SDC1: variants seen among roughly 807,000 people sequenced by gnomAD.
The protein encoded by SDC1 is syndecan 1.
Under a neutral mutation model 29.7 loss-of-function variants are expected in SDC1, and 14 were observed. The observed-to-expected ratio is 0.47, with a 90% CI of 0.31 to 0.74. SDC1 has a LOEUF of 0.74. Ranked by LOEUF, SDC1 falls within the 30% of genes least tolerant of loss-of-function variation. The probability of loss-of-function intolerance (pLI) is 0.05; values close to 1 mark genes in which losing one functional copy is unlikely to be tolerated. For missense variants in SDC1, 406 were observed against 400.3 expected, an observed-to-expected ratio of 1.01 and a Z score of -0.12; for synonymous variants, 204 against 175.5, an observed-to-expected ratio of 1.16 and a Z score of -1.29.
chr2:20,220,369 A>ACACACACTGCACG (rs1677779558), intron 1 of SDC1, among the ~76,000 whole-genome samples: 1 of 151,974 alleles, frequency 6.6e-6, no homozygotes, highest in Non-Finnish European at 1.5e-5. Context: ...ATGCGCACAC[A>ACACACACTGCACG]CACACACACT....
Position 20,202,901 on chromosome 2 carries a change from A to G in SDC1, c.798T>C (p.Phe266=). ...VIAGGLVGLI[F]AVCLVGFMLY... ...GCATGAAACCCACCAGGCACACAGC[A>G]AAGATGAGCCCCACGAGGCCTCCGG... Residue 266 remains phenylalanine, a synonymous_variant, in exon 5 of 5, where the codon TTT becomes TTC. Coordinates refer to ENST00000254351, the MANE Select transcript of SDC1 (RefSeq NM_002997.5). 1 of 1,613,438 alleles carries G rather than the reference A, an allele frequency of 6.2e-7. No homozygotes were observed. Among genetic ancestry groups the G allele is most frequent in the African/African-American group, 1.3e-5 (1 of 75,022 alleles).
chr2:20,222,218 C>T (rs1677845227), intron 1 of SDC1, among the ~76,000 whole-genome samples: 1 of 152,182 alleles, frequency 6.6e-6, no homozygotes, highest in African/African-American at 2.4e-5. Flanking sequence ...CATTCAGTCA[C>T]TCCTTGCTTC....
At chr2:20,215,279 A>C (rs773835674) in intron 1 of SDC1, among the ~76,000 whole-genome samples, 1 of 152,174 alleles carries the variant, frequency 6.6e-6, no homozygotes, top group Non-Finnish European at 1.5e-5. Flanking sequence ...AGGGTGCCCC[A>C]ATGTCTGGCT....
In SDC1 at chr2:20,202,473, G is replaced by A. The variant is rs1454196389; in HGVS notation, c.*293C>T. On this transcript the variant is annotated 3_prime_UTR_variant, in exon 5 of 5. Transcript: ENST00000254351. Reference sequence around the variant, plus strand: ...CCCTCCAGAGCTGGACCTGGGGAGAGGCTGCTTCAGTTTGGAGAAACCGAG... The same window carrying A: ...CCCTCCAGAGCTGGACCTGGGGAGAAGCTGCTTCAGTTTGGAGAAACCGAG... 1 of 593,640 alleles carries A rather than the reference G, an allele frequency of 1.7e-6. No homozygotes were observed. The highest frequency in any genetic ancestry group is 1.9e-5 in the African/African-American group (1 of 53,418). 36.8% of individuals were successfully genotyped at this position (593,640 alleles called of 1,614,324 possible).
Position 20,202,915 on chromosome 2 carries a change from C to G in SDC1, c.784G>C (p.Val262Leu), listed in dbSNP as rs774614953. The G allele has an allele frequency of 1.9e-6, 3 of 1,612,200 alleles. No homozygotes were observed. Among genetic ancestry groups the G allele is most frequent in the Non-Finnish European group, 2.5e-6 (3 of 1,179,126 alleles). The change falls in exon 5 of 5, where the codon GTG becomes CTG. Residue 262 changes from valine (V) to leucine (L), a missense_variant. Physicochemically the swap from Val to Leu is conservative, Grantham distance 32 (BLOSUM62 1). Coordinates refer to ENST00000254351, the MANE Select transcript of SDC1 (RefSeq NM_002997.5). ...VLGGVIAGGL[V>L]GLIFAVCLVG... is the part of the protein sequence containing the mutation. ...AGGCACACAGCAAAGATGAGCCCCA[C>G]GAGGCCTCCGGCAATGACCCCTAGG... is the stretch of plus-strand genomic sequence containing the variant.
intron 1 of SDC1, chr2:20,207,784 C>T (rs1677327258): frequency 5.1e-6 from 1 of 195,352 alleles, no homozygotes; most frequent in Non-Finnish European, 9.3e-6. Context: ...CGATCTACAA[C>T]ATCTCCATGT....
intron 1 of SDC1, among the ~76,000 whole-genome samples, chr2:20,219,186 C>T (rs1238113139): frequency 6.6e-6 from 1 of 152,118 alleles, no homozygotes; most frequent in Non-Finnish European, 1.5e-5. Context: ...CCCACCCTTA[C>T]AGGCCCTGCC....
Position 20,202,246 on chromosome 2 carries a change from A to G in SDC1, c.*520T>C, listed in dbSNP as rs931345319. ...GGCTATGAACAAAGAACTAGAGGAA[A>G]CATGTGCAAAAACAAGTCGATATCT... is the stretch of plus-strand genomic sequence containing the variant. On this transcript the variant is annotated 3_prime_UTR_variant, in exon 5 of 5. Coordinates refer to ENST00000254351, the MANE Select transcript of SDC1 (RefSeq NM_002997.5). 1.3e-5 allele frequency: 10 copies of G among 778,652 alleles called. No individual in the cohort carries two copies. The African/African-American group carries it at 1.7e-4, about 13-fold the overall frequency. The allele number at this position is 778,652 out of a possible 1,614,324, so 48.2% of individuals were successfully genotyped here. A position where few individuals can be genotyped will look rare whatever the true frequency, so the allele number is the denominator to read the frequency against.
At position 20,204,170 on chromosome 2, in the gene SDC1, G is replaced by A; in HGVS notation, c.270C>T (p.Thr90=). ...PTGLEATAAS[T]STLPAGEGPK... is the part of the protein sequence containing the mutation. ...GCCCCTCTCCAGCCGGCAGGGTGGA[G>A]GTGGAGGCAGCTGTAGCCTCCAGGC... Residue 90 remains threonine, a synonymous_variant, in exon 3 of 5, where the codon ACC becomes ACT. Transcript: ENST00000254351. 1 of 1,600,714 alleles carries A rather than the reference G, an allele frequency of 6.2e-7. No homozygotes were observed. The highest frequency in any genetic ancestry group is 8.5e-7 in the Non-Finnish European group (1 of 1,179,834).
intron 1 of SDC1, chr2:20,208,180 T>G: frequency 1.1e-6 from 1 of 946,212 alleles, no homozygotes; most frequent in Non-Finnish European, 1.3e-6. Context: ...ATGTACAACC[T>G]GGGAGACACC....
At chr2:20,222,042 A>T (rs1270877199) in intron 1 of SDC1, among the ~76,000 whole-genome samples, 2 of 152,214 alleles carry the variant, frequency 1.3e-5, no homozygotes, top group Non-Finnish European at 2.9e-5. Flanking sequence ...TAACTATTCC[A>T]GAACAAGCCA....
At chr2:20,219,593 G>C (rs541648573) in intron 1 of SDC1, among the ~76,000 whole-genome samples, 109 of 152,312 alleles carry the variant, frequency 7.2e-4, no homozygotes, top group African/African-American at 2.5e-3. Context: ...TCAGTGGAAG[G>C]TTCCAGAATA....
In SDC1 at chr2:20,224,941, T is replaced by G. The variant is rs1677944558; in HGVS notation, c.-74A>C. The G allele has an allele frequency of 8.4e-7, 1 of 1,197,290 alleles. No homozygotes were observed. Among genetic ancestry groups the G allele is most frequent in the African/African-American group, 1.6e-5 (1 of 62,998 alleles). 74.2% of individuals were successfully genotyped at this position (1,197,290 alleles called of 1,614,324 possible). ...TGCGGGCCGGCTTCGCGGGTTCCGC[T>G]GCTCGATGCTCTCTTGGGCGCCTGC... On this transcript the variant is annotated 5_prime_UTR_variant, in exon 1 of 5. Coordinates refer to ENST00000254351, the MANE Select transcript of SDC1 (RefSeq NM_002997.5). The surrounding 1 kb of genome is among the most constrained non-coding windows in gnomAD (Gnocchi z 4.9).
chr2:20,216,303 T>G (rs1039829709), intron 1 of SDC1, among the ~76,000 whole-genome samples: 2 of 152,094 alleles, frequency 1.3e-5, no homozygotes. Context: ...AGCCTGGCCC[T>G]CAGCCCCGCA....
intron 1 of SDC1, among the ~76,000 whole-genome samples, chr2:20,218,517 CCACACACACAGACA>C (rs1677704185): frequency 6.6e-6 from 1 of 151,820 alleles, no homozygotes; most frequent in Non-Finnish European, 1.5e-5. Context: ...CACCCCCCCA[CCACACACACAGACA>C]CACACACACA....
At chr2:20,217,954 C>G (rs906562345) in intron 1 of SDC1, among the ~76,000 whole-genome samples, 3 of 152,212 alleles carry the variant, frequency 2.0e-5, no homozygotes, top group African/African-American at 7.2e-5. Flanking sequence ...GAATCCACCC[C>G]TCAAGCAGCC....
At position 20,209,008 on chromosome 2, in the gene SDC1, C is replaced by T. The variant is rs561957400; in HGVS notation, c.67-3584G>A. On this transcript the variant is annotated intron_variant, in intron 1 of 4. Transcript: ENST00000254351. ...GCCCAAGGTTTGGCTCGCCTAGGGG[C>T]TGGGGGATCAAGAGGCAACTGCCTG... 5.3e-5 allele frequency among the ~76,000 whole-genome samples: 8 copies of T among 152,288 alleles called. No individual in the cohort carries two copies. The South Asian group carries it at 1.7e-3, about 32-fold the overall frequency.
At position 20,208,282 on chromosome 2, in the gene SDC1, G is replaced by C. The variant is rs114944496; in HGVS notation, c.67-2858C>G. 2.0e-3 allele frequency among the ~76,000 whole-genome samples: 305 copies of C among 152,334 alleles called. 1 individual carries two copies. The highest frequency in any genetic ancestry group is 6.8e-3 in the African/African-American group (282 of 41,562). The stretch of plus-strand genomic sequence containing the variant: ...TCCTCCTGACTAGATAAGCATTTCA[G>C]TCTGCCCTGTCCCTAAAAACAATTT... On this transcript the variant is annotated intron_variant, in intron 1 of 4. Coordinates refer to ENST00000254351, the MANE Select transcript of SDC1 (RefSeq NM_002997.5).
intron 2 of SDC1, among the ~76,000 whole-genome samples, chr2:20,204,728 C>T (rs1401515880): frequency 6.6e-6 from 1 of 152,152 alleles, no homozygotes. Context: ...AGCTCTCAGG[C>T]CTCCGCTAGG....
Sources: gnomAD v4.1 joint callset for allele counts (sites outside exome capture counted in the v4.1 genomes callset) on GRCh38, gnomAD v4.1.1 for gene constraint, Gnocchi (gnomAD v3.1) non-coding constraint, MANE v1.5 for transcripts, NCBI Gene and HGNC (gene_info 2026-07-23, HGNC 2026-07-21) for gene names.